Variants in COL26A1 observed in about 807,000 individuals in gnomAD.
COL26A1 encodes the protein collagen alpha-1(XXVI) chain.
Under a neutral mutation model 59.3 loss-of-function variants are expected in COL26A1, and 41 were observed. The observed-to-expected ratio is 0.69, with a 90% CI of 0.54 to 0.90. The LOEUF is 0.90. COL26A1 is among the 40% of genes least tolerant of loss of function. The probability of loss-of-function intolerance (pLI) is 0.00; values close to 1 mark genes in which losing one functional copy is unlikely to be tolerated. For missense variants in COL26A1, 612 were observed against 602.3 expected, an observed-to-expected ratio of 1.02 and a Z score of -0.17; for synonymous variants, 266 against 256.0, an observed-to-expected ratio of 1.04 and a Z score of -0.37.
intron 3 of COL26A1, among the ~76,000 whole-genome samples, chr7:101,525,327 G>A (rs542100673): frequency 3.3e-5 from 5 of 151,138 alleles, no homozygotes; most frequent in East Asian, 2.0e-4. Flanking sequence ...GACTACAGGC[G>A]TGTGCCGCCA....
In COL26A1 at chr7:101,484,422, A is replaced by G. The variant is rs149340947; in HGVS notation, c.385+36635A>G. Reference sequence around the variant, plus strand: ...GTCTCCCTGTGTCGCCCAGGCTGGAATGCAGTGGCGTGATCTTGGCTCACT... The same window carrying G: ...GTCTCCCTGTGTCGCCCAGGCTGGAGTGCAGTGGCGTGATCTTGGCTCACT... On this transcript the variant is annotated intron_variant, in intron 3 of 12. Coordinates refer to ENST00000313669, the MANE Select transcript of COL26A1 (RefSeq NM_001278563.3). 2.5e-3 allele frequency among the ~76,000 whole-genome samples: 378 copies of G among 151,806 alleles called. 1 individual carries two copies. Among genetic ancestry groups the G allele is most frequent in the African/African-American group, 8.7e-3 (362 of 41,392 alleles).
intron 1 of COL26A1, among the ~76,000 whole-genome samples, chr7:101,407,881 A>T (rs185578030): frequency 2.6e-5 from 4 of 152,302 alleles, no homozygotes; most frequent in Admixed American, 1.3e-4. Context: ...GGGGCGGGTT[A>T]TACAGAAATT....
intron 1 of COL26A1, among the ~76,000 whole-genome samples, chr7:101,410,412 T>A (rs965964813): frequency 6.6e-6 from 1 of 150,586 alleles, no homozygotes; most frequent in African/African-American, 2.4e-5. Flanking sequence ...GTTACATGAC[T>A]AAGGATCATT....
intron 2 of COL26A1, among the ~76,000 whole-genome samples, chr7:101,439,146 C>T (rs1175452756): frequency 6.6e-6 from 1 of 152,092 alleles, no homozygotes; most frequent in Non-Finnish European, 1.5e-5. Context: ...GGACCCACAC[C>T]AGGCTGAATG....
intron 3 of COL26A1, among the ~76,000 whole-genome samples, chr7:101,502,957 C>T (rs983489923): frequency 2.0e-5 from 3 of 152,188 alleles, no homozygotes; most frequent in Non-Finnish European, 2.9e-5. Flanking sequence ...GGCCCATCTG[C>T]TGCCTCCTCC....
At chr7:101,484,749 G>A (rs970639676) in intron 3 of COL26A1, among the ~76,000 whole-genome samples, 5 of 150,846 alleles carry the variant, frequency 3.3e-5, no homozygotes, top group South Asian at 2.1e-4. Context: ...CACTACAACC[G>A]TCACCTGGGC....
chr7:101,547,044 G>T, intron 7 of COL26A1, 112 bp from the exon 8 acceptor site: 1 of 669,056 alleles, frequency 1.5e-6, no homozygotes. Context: ...GTGATGGGAG[G>T]AGCCCCCCTG....
intron 1 of COL26A1, among the ~76,000 whole-genome samples, chr7:101,407,677 G>A (rs572233765): frequency 1.3e-5 from 2 of 151,784 alleles, no homozygotes; most frequent in African/African-American, 4.8e-5. Flanking sequence ...CCAAATTGAG[G>A]ACTAGCTAAA....
chr7:101,407,256 C>T (rs142157954), intron 1 of COL26A1, among the ~76,000 whole-genome samples: 1 of 152,286 alleles, frequency 6.6e-6, no homozygotes, highest in Non-Finnish European at 1.5e-5. Flanking sequence ...CAAGTCTGGT[C>T]CAACTCCCCT....
chr7:101,380,457 G>T (rs1236353749), intron 1 of COL26A1, among the ~76,000 whole-genome samples: 1 of 151,988 alleles, frequency 6.6e-6, no homozygotes. Context: ...ACCACGCCTG[G>T]CTAATTTTTT....
intron 1 of COL26A1, among the ~76,000 whole-genome samples, chr7:101,382,521 C>G (rs1024251011): frequency 3.3e-5 from 5 of 152,190 alleles, no homozygotes; most frequent in African/African-American, 1.2e-4. Flanking sequence ...CTACTGAACT[C>G]TATCTGGTCT....
intron 1 of COL26A1, among the ~76,000 whole-genome samples, chr7:101,410,281 G>T (rs988768484): frequency 6.6e-6 from 1 of 152,092 alleles, no homozygotes; most frequent in Non-Finnish European, 1.5e-5. Flanking sequence ...ACCAGTCTTA[G>T]GTTTCACAAT....
intron 1 of COL26A1, among the ~76,000 whole-genome samples, chr7:101,381,057 A>G (rs1169032566): frequency 6.6e-6 from 1 of 152,206 alleles, no homozygotes; most frequent in Admixed American, 6.6e-5. Flanking sequence ...TTGCTGCTGT[A>G]ACAAATTACC....
At chr7:101,502,941 A>G (rs1477106824) in intron 3 of COL26A1, among the ~76,000 whole-genome samples, 1 of 152,232 alleles carries the variant, frequency 6.6e-6, no homozygotes, top group East Asian at 1.9e-4. Context: ...TTGGGTCCCA[A>G]GGTGGGGCCC....
chr7:101,394,869 C>CTTTTTTTTTTTTT (rs61005447), intron 1 of COL26A1, among the ~76,000 whole-genome samples: 17 of 97,040 alleles, frequency 1.8e-4, no homozygotes, highest in African/African-American at 4.2e-4. Context: ...TTTTTCTTTT[C>CTTTTTTTTTTTTT]TTTTTTTTTT....
intron 1 of COL26A1, among the ~76,000 whole-genome samples, chr7:101,403,535 CAAAA>C (rs1792062558): frequency 6.6e-6 from 1 of 151,810 alleles, no homozygotes; most frequent in African/African-American, 2.4e-5. Flanking sequence ...AACAACAAAA[CAAAA>C]CAAAACAAAA....
chr7:101,409,204 T>C (rs1792191449), intron 1 of COL26A1, among the ~76,000 whole-genome samples: 1 of 152,198 alleles, frequency 6.6e-6, no homozygotes, highest in South Asian at 2.1e-4. Flanking sequence ...CTCATCTCAC[T>C]GGTTTCAAAC....
At chr7:101,419,857 A>G in intron 1 of COL26A1, 120 bp from the exon 2 acceptor site, 1 of 1,023,756 alleles carries the variant, frequency 9.8e-7, no homozygotes, top group South Asian at 1.5e-5. Context: ...CCCCCATCCA[A>G]GAGAGCGAGC....
intron 1 of COL26A1, among the ~76,000 whole-genome samples, chr7:101,398,097 G>T (rs887346916): frequency 1.3e-5 from 2 of 152,196 alleles, no homozygotes; most frequent in Non-Finnish European, 2.9e-5. Flanking sequence ...CATCATCTCT[G>T]TGTGATTCAT....
Sources: gnomAD v4.1 joint callset for allele counts (sites outside exome capture counted in the v4.1 genomes callset) on GRCh38, gnomAD v4.1.1 for gene constraint, MANE v1.5 for transcripts, NCBI Gene and HGNC (gene_info 2026-07-23, HGNC 2026-07-21) for gene names.